CCSER1: variants seen among roughly 807,000 people sequenced by gnomAD.
The protein encoded by CCSER1 is serine-rich coiled-coil domain-containing protein 1.
In CCSER1, 41 loss-of-function variants were observed where a neutral mutation model predicts 82.0. The observed-to-expected ratio is 0.50, with a 90% CI of 0.39 to 0.65. CCSER1 has a LOEUF of 0.65. Among genes scored for constraint, CCSER1 ranks in the 30% least tolerant of loss-of-function variants. The probability of loss-of-function intolerance (pLI) is 0.00; values close to 1 mark genes in which losing one functional copy is unlikely to be tolerated. For missense variants in CCSER1, 1,119 were observed against 1,064.2 expected, an observed-to-expected ratio of 1.05 and a Z score of -0.72; for synonymous variants, 414 against 383.9, an observed-to-expected ratio of 1.08 and a Z score of -0.92.
chr4:91,370,791 G>A (rs1749984506), intron 10 of CCSER1, among the ~76,000 whole-genome samples: 1 of 152,088 alleles, frequency 6.6e-6, no homozygotes, highest in African/African-American at 2.4e-5. Flanking sequence ...CATAGAATGT[G>A]TAATAATCAC....
At chr4:90,644,623 C>T (rs1727161081) in intron 6 of CCSER1, among the ~76,000 whole-genome samples, 1 of 151,948 alleles carries the variant, frequency 6.6e-6, no homozygotes, top group Admixed American at 6.6e-5. Flanking sequence ...GCTCTCCCTC[C>T]CCAACCCCCA....
At chr4:91,257,077 T>G (rs115875849) in intron 10 of CCSER1, among the ~76,000 whole-genome samples, 2,609 of 152,318 alleles carry the variant, frequency 0.017, 77 homozygotes, top group African/African-American at 0.057. Context: ...TAAATTCATG[T>G]GTGGGTAGAA....
At chr4:91,364,002 T>C (rs540614646) in intron 10 of CCSER1, among the ~76,000 whole-genome samples, 4 of 147,982 alleles carry the variant, frequency 2.7e-5, no homozygotes, top group African/African-American at 9.7e-5. Context: ...TGGTAAAGTA[T>C]TGACATAATT....
At chr4:91,512,758 T>C (rs1442610651) in intron 10 of CCSER1, among the ~76,000 whole-genome samples, 2 of 152,180 alleles carry the variant, frequency 1.3e-5, no homozygotes, top group African/African-American at 4.8e-5. Context: ...ATTTTGCTCT[T>C]AGCTTGAATG....
At chr4:91,295,430 T>C (rs1744079699) in intron 10 of CCSER1, among the ~76,000 whole-genome samples, 2 of 151,914 alleles carry the variant, frequency 1.3e-5, no homozygotes, top group South Asian at 4.1e-4. Flanking sequence ...AAAAATACCA[T>C]AAAGATTTTG....
At chr4:91,411,382 A>C (rs918289941) in intron 10 of CCSER1, among the ~76,000 whole-genome samples, 1 of 150,224 alleles carries the variant, frequency 6.7e-6, no homozygotes, top group Non-Finnish European at 1.5e-5. Flanking sequence ...TCTGTTGCTC[A>C]GTATTTCTAA....
At position 90,192,730 on chromosome 4, in the gene CCSER1, A is replaced by T. The variant is rs115626545; in HGVS notation, c.-42+64899A>T. ...CTGAAATACAATAGATAAAAGTAAA[A>T]TTCCTCTTTTGAATGGGAGGTGATT... On this transcript the variant is annotated intron_variant, in intron 1 of 10. Transcript: ENST00000509176. Among the ~76,000 whole-genome samples, 670 of 152,168 alleles carry T rather than the reference A, an allele frequency of 4.4e-3. 4 individuals are homozygous for T. The highest frequency in any genetic ancestry group is 0.016 in the African/African-American group (644 of 41,534).
chr4:90,148,338 C>T (rs185616633), intron 1 of CCSER1, among the ~76,000 whole-genome samples: 280 of 152,118 alleles, frequency 1.8e-3, no homozygotes, highest in African/African-American at 6.5e-3. Flanking sequence ...ACTAGAGTAT[C>T]CATGAATTTA....
chr4:90,280,730 AG>A (rs978870119), intron 1 of CCSER1, among the ~76,000 whole-genome samples: 2 of 152,004 alleles, frequency 1.3e-5, no homozygotes, highest in Non-Finnish European at 1.5e-5. Flanking sequence ...TTTCCTTGTC[AG>A]TTTAAAAAAT....
intron 9 of CCSER1, among the ~76,000 whole-genome samples, chr4:91,031,133 T>TGGC (rs1740945206): frequency 6.6e-6 from 1 of 152,192 alleles, no homozygotes; most frequent in Non-Finnish European, 1.5e-5. Flanking sequence ...TTATATGATG[T>TGGC]TCACGTTTAG....
intron 5 of CCSER1, among the ~76,000 whole-genome samples, chr4:90,539,558 G>T (rs1442308114): frequency 6.6e-6 from 1 of 152,020 alleles, no homozygotes. Flanking sequence ...TGAGCCACTG[G>T]AATACAGACT....
intron 7 of CCSER1, among the ~76,000 whole-genome samples, chr4:90,729,625 C>G (rs1744330795): frequency 6.6e-6 from 1 of 152,078 alleles, no homozygotes; most frequent in Non-Finnish European, 1.5e-5. Flanking sequence ...CCTGTAATCC[C>G]AGCACTTTGG....
intron 8 of CCSER1, among the ~76,000 whole-genome samples, chr4:90,819,098 T>C (rs1471234114): frequency 6.6e-6 from 1 of 152,134 alleles, no homozygotes; most frequent in Non-Finnish European, 1.5e-5. Context: ...CTTCCTGGCT[T>C]GCAGATGGCC....
chr4:90,257,235 A>T (rs1055346063), intron 1 of CCSER1, among the ~76,000 whole-genome samples: 34 of 152,176 alleles, frequency 2.2e-4, no homozygotes, highest in African/African-American at 8.2e-4. Flanking sequence ...ATATAGGTAT[A>T]TGTCTATATA....
intron 1 of CCSER1, among the ~76,000 whole-genome samples, chr4:90,184,434 T>C (rs1182878626): frequency 6.6e-6 from 1 of 152,088 alleles, no homozygotes; most frequent in Non-Finnish European, 1.5e-5. Context: ...TAGAGAGTTG[T>C]ACCTAGGTGT....
At position 90,180,191 on chromosome 4, in the gene CCSER1, A is replaced by G. The variant is rs6849757; in HGVS notation, c.-42+52360A>G. ...TTTAGTGGAGAAACGATAACTAAAG[A>G]TAATTTTTAGGCATTTTTTAAGACT... On this transcript the variant is annotated intron_variant, in intron 1 of 10. Coordinates refer to ENST00000509176, the MANE Select transcript of CCSER1 (RefSeq NM_001145065.2). 4.0e-3 allele frequency among the ~76,000 whole-genome samples: 601 copies of G among 151,648 alleles called. 5 individuals are homozygous for G. The highest frequency in any genetic ancestry group is 0.014 in the African/African-American group (581 of 41,452).
At chr4:90,661,540 G>A (rs1231653225) in intron 6 of CCSER1, among the ~76,000 whole-genome samples, 1 of 152,198 alleles carries the variant, frequency 6.6e-6, no homozygotes, top group African/African-American at 2.4e-5. Flanking sequence ...ATAGAAGGCT[G>A]AAGCGCAATA....
At chr4:90,381,133 A>G (rs1313823376) in intron 3 of CCSER1, among the ~76,000 whole-genome samples, 1 of 152,246 alleles carries the variant, frequency 6.6e-6, no homozygotes, top group Non-Finnish European at 1.5e-5. Flanking sequence ...GTGAGGGCAG[A>G]GTGGCCATGA....
At chr4:90,481,389 C>G (rs938495350) in intron 5 of CCSER1, among the ~76,000 whole-genome samples, 2 of 152,088 alleles carry the variant, frequency 1.3e-5, no homozygotes, top group Non-Finnish European at 1.5e-5. Flanking sequence ...TTGCCCTGGC[C>G]AGAACTTCCA....
Sources: allele counts gnomAD v4.1 joint callset (sites outside exome capture counted in the v4.1 genomes callset), GRCh38; gene constraint gnomAD v4.1.1; transcripts MANE v1.5; gene names NCBI Gene and HGNC (gene_info 2026-07-23, HGNC 2026-07-21).